Variants in STK31 observed in about 807,000 individuals in gnomAD.
STK31 encodes serine/threonine-protein kinase 31.
A neutral mutation model predicts 129.7 loss-of-function variants in STK31; 89 were observed. The ratio of observed to expected loss-of-function variants is 0.69; its 90% confidence interval spans 0.58 to 0.82. The LOEUF (loss-of-function observed/expected upper bound fraction) is 0.82. Ranked by LOEUF, STK31 falls within the 40% of genes least tolerant of loss-of-function variation. The pLI is 0.00. For missense variants in STK31, 1,187 were observed against 1,176.4 expected, an observed-to-expected ratio of 1.01 and a Z score of -0.13; for synonymous variants, 448 against 395.3, an observed-to-expected ratio of 1.13 and a Z score of -1.58.
intron 23 of STK31, among the ~76,000 whole-genome samples, chr7:23,828,718 A>G (rs893988758): frequency 6.6e-6 from 1 of 152,016 alleles, no homozygotes; most frequent in African/African-American, 2.4e-5. Flanking sequence ...AGCTGTTCCT[A>G]TTCGGCCATC....
At chr7:23,725,117 A>G (rs1786974764) in intron 4 of STK31, among the ~76,000 whole-genome samples, 1 of 152,180 alleles carries the variant, frequency 6.6e-6, no homozygotes, top group South Asian at 2.1e-4. Flanking sequence ...TATAATAACT[A>G]TGTTATCAGT....
intron 15 of STK31, among the ~76,000 whole-genome samples, chr7:23,778,649 A>G (rs1584431245): frequency 1.3e-5 from 2 of 151,750 alleles, no homozygotes; most frequent in African/African-American, 4.8e-5. Flanking sequence ...TGTATGCTTC[A>G]TGAAGTTCTC....
upstream of STK31, chr7:23,710,187 CGCTGTGCACGCAGGCGCAGT>C: frequency 3.8e-6 from 6 of 1,590,214 alleles, no homozygotes; most frequent in Non-Finnish European, 5.1e-6. Flanking sequence ...GATGGCGCAG[CGCTGTGCACGCAGGCGCAGT>C]GTGGGGCCCT....
intron 15 of STK31, 114 bp downstream of exon 15, chr7:23,772,392 C>T: frequency 9.0e-7 from 1 of 1,115,794 alleles, no homozygotes; most frequent in South Asian, 1.8e-5. Flanking sequence ...CCATTACATT[C>T]ACATTTTGTT....
chr7:23,735,064 C>CT (rs527639014), intron 6 of STK31, among the ~76,000 whole-genome samples: 49 of 152,088 alleles, frequency 3.2e-4, no homozygotes, highest in Non-Finnish European at 6.8e-4. Flanking sequence ...GTATTTTGTG[C>CT]TTTCGGTTTG....
At chr7:23,804,815 C>T (rs1334164237) in intron 22 of STK31, among the ~76,000 whole-genome samples, 1 of 152,122 alleles carries the variant, frequency 6.6e-6, no homozygotes. Context: ...AACAGGATTT[C>T]CTGTCCTCTC....
intron 23 of STK31, among the ~76,000 whole-genome samples, chr7:23,824,767 A>G (rs1367968055): frequency 6.6e-6 from 1 of 151,906 alleles, no homozygotes; most frequent in Non-Finnish European, 1.5e-5. Context: ...TTTAAGATAC[A>G]TCCCATCAAT....
chr7:23,742,000 A>G (rs1041077506), intron 8 of STK31, among the ~76,000 whole-genome samples: 1 of 152,206 alleles, frequency 6.6e-6, no homozygotes, highest in Non-Finnish European at 1.5e-5. Context: ...GGTGAACAGC[A>G]TGGGCAAAAA....
chr7:23,721,343 A>G, intron 4 of STK31: 1 of 743,380 alleles, frequency 1.3e-6, no homozygotes, highest in Non-Finnish European at 2.3e-6. Context: ...AAGCTTTTAA[A>G]GATTCAGGAA....
intron 8 of STK31, among the ~76,000 whole-genome samples, chr7:23,742,168 A>G (rs1270228983): frequency 6.6e-6 from 1 of 152,232 alleles, no homozygotes; most frequent in Non-Finnish European, 1.5e-5. Context: ...GGCCAAGGGC[A>G]GGACTCAGCC....
chr7:23,776,579 A>AT (rs1435529729), intron 15 of STK31, among the ~76,000 whole-genome samples: 1 of 151,988 alleles, frequency 6.6e-6, no homozygotes, highest in Non-Finnish European at 1.5e-5. Context: ...GTGTCCAGGA[A>AT]TTTTTCCATT....
chr7:23,825,395 T>C (rs1171766640), intron 23 of STK31, among the ~76,000 whole-genome samples: 3 of 152,246 alleles, frequency 2.0e-5, no homozygotes, highest in African/African-American at 7.2e-5. Flanking sequence ...TAGAGGTGTT[T>C]ATAGTATTCT....
intron 22 of STK31, among the ~76,000 whole-genome samples, chr7:23,795,707 G>A (rs1366955827): frequency 6.6e-6 from 1 of 152,220 alleles, no homozygotes; most frequent in Admixed American, 6.5e-5. Flanking sequence ...AAGGCTGTGG[G>A]AGCCCACTCT....
At chr7:23,817,526 A>G (rs2128128410) in intron 23 of STK31, among the ~76,000 whole-genome samples, 1 of 152,372 alleles carries the variant, frequency 6.6e-6, no homozygotes. Context: ...ACATAGCTGC[A>G]AAACAAGTCA....
intron 22 of STK31, chr7:23,791,262 G>T (rs1242867050): frequency 1.5e-5 from 15 of 985,050 alleles, no homozygotes; most frequent in Non-Finnish European, 1.8e-5. Flanking sequence ...TAAGCCTTGG[G>T]TATATTCCTG....
chr7:23,814,766 T>C (rs1490691687), intron 22 of STK31, among the ~76,000 whole-genome samples: 1 of 152,140 alleles, frequency 6.6e-6, no homozygotes, highest in Admixed American at 6.5e-5. Context: ...AAGTTTAGCT[T>C]ATATTTCTTG....
intron 15 of STK31, among the ~76,000 whole-genome samples, chr7:23,774,670 G>A (rs113737833): frequency 1.3e-4 from 20 of 152,258 alleles, no homozygotes; most frequent in African/African-American, 4.6e-4. Context: ...GTAGATTCTG[G>A]ATATTAAACC....
intron 15 of STK31, among the ~76,000 whole-genome samples, chr7:23,775,526 C>T (rs1334543389): frequency 4.6e-5 from 7 of 152,094 alleles, no homozygotes; most frequent in Non-Finnish European, 1.0e-4. Flanking sequence ...TTGTAGTTCT[C>T]CTTGAAGAGG....
intron 4 of STK31, among the ~76,000 whole-genome samples, chr7:23,717,784 A>G (rs1453508037): frequency 6.6e-6 from 1 of 152,244 alleles, no homozygotes; most frequent in African/African-American, 2.4e-5. Flanking sequence ...GACGTAAGCT[A>G]CAACATGGAT....
Sources: gnomAD v4.1 joint callset for allele counts (sites outside exome capture counted in the v4.1 genomes callset) on GRCh38, gnomAD v4.1.1 for gene constraint, MANE v1.5 for transcripts, NCBI Gene and HGNC (gene_info 2026-07-23, HGNC 2026-07-21) for gene names.